Variants in SULF1 observed in about 807,000 individuals in gnomAD.
The protein encoded by SULF1 is extracellular sulfatase Sulf-1.
SULF1 carries 46 observed loss-of-function variants against 110.5 expected under a neutral mutation model. That is an observed-to-expected ratio of 0.42 (90% confidence interval 0.33 to 0.53). SULF1 has a LOEUF of 0.53. SULF1 is among the 20% of genes least tolerant of loss of function. The pLI is 0.12. For missense variants in SULF1, 941 were observed against 1,094.2 expected (o/e 0.86, Z 1.98); for synonymous variants, 371 against 387.1 (o/e 0.96, Z 0.49).
chr8:69,632,419 A>C (rs1052557194), intron 19 of SULF1, among the ~76,000 whole-genome samples: 1 of 152,114 alleles, frequency 6.6e-6, no homozygotes, highest in Admixed American at 6.6e-5. Context: ...CTAAAGTAAA[A>C]ATTTCAAAAA....
At chr8:69,545,464 A>G (rs1706296605) in intron 3 of SULF1, among the ~76,000 whole-genome samples, 1 of 152,170 alleles carries the variant, frequency 6.6e-6, no homozygotes, top group Admixed American at 6.5e-5. Flanking sequence ...AAGTAAGGAA[A>G]ATTCAGAGTC....
At chr8:69,520,940 T>C (rs1454418757) in intron 3 of SULF1, among the ~76,000 whole-genome samples, 1 of 152,192 alleles carries the variant, frequency 6.6e-6, no homozygotes, top group Admixed American at 6.5e-5. Flanking sequence ...CTTCTTATAA[T>C]GTCCCCAGAG....
chr8:69,598,125 G>C (rs1035530325), intron 8 of SULF1, among the ~76,000 whole-genome samples: 3 of 151,402 alleles, frequency 2.0e-5, no homozygotes, highest in Admixed American at 6.6e-5. Flanking sequence ...AAAAAAAAAG[G>C]GGGGGACCAT....
chr8:69,607,489 T>C (rs1005551611), intron 13 of SULF1, among the ~76,000 whole-genome samples: 1 of 152,124 alleles, frequency 6.6e-6, no homozygotes, highest in Non-Finnish European at 1.5e-5. Flanking sequence ...CTCAGCCTCC[T>C]GAGTAGCTAG....
At chr8:69,518,210 A>C (rs1048470028) in intron 3 of SULF1, among the ~76,000 whole-genome samples, 14 of 152,098 alleles carry the variant, frequency 9.2e-5, no homozygotes, top group Admixed American at 2.0e-4. Flanking sequence ...TTAGCCTTTC[A>C]TTTCCAATAT....
At chr8:69,520,056 C>T (rs765584391) in intron 3 of SULF1, among the ~76,000 whole-genome samples, 19 of 150,700 alleles carry the variant, frequency 1.3e-4, no homozygotes, top group Non-Finnish European at 2.5e-4. Context: ...GATATGGGCA[C>T]ATCTATAATT....
At chr8:69,579,965 A>G (rs1431170770) in intron 6 of SULF1, among the ~76,000 whole-genome samples, 1 of 152,226 alleles carries the variant, frequency 6.6e-6, no homozygotes, top group Non-Finnish European at 1.5e-5. Flanking sequence ...ATCCATCTAG[A>G]GAGTAAGTTT....
At chr8:69,636,835 C>T (rs1268559977) in intron 19 of SULF1, among the ~76,000 whole-genome samples, 1 of 152,116 alleles carries the variant, frequency 6.6e-6, no homozygotes, top group Non-Finnish European at 1.5e-5. Flanking sequence ...TGATGCATCT[C>T]ATTGATTTGC....
At position 69,506,279 on chromosome 8, in the gene SULF1, G is replaced by A. The variant is rs776489899; in HGVS notation, c.-134+4311G>A. 4.6e-5 allele frequency among the ~76,000 whole-genome samples: 7 copies of A among 151,504 alleles called. 1 individual carries two copies. Among genetic ancestry groups the A allele is most frequent in the East Asian group, 1.9e-4 (1 of 5,166 alleles). On this transcript the variant is annotated intron_variant, in intron 3 of 22. Transcript: ENST00000402687. ...ACACACAATCAATACCTCCCTTCAC[G>A]TAGCCATTCTGTTTAGTTGCATTTT...
intron 8 of SULF1, among the ~76,000 whole-genome samples, chr8:69,594,660 A>T (rs1333382505): frequency 6.6e-6 from 1 of 152,164 alleles, no homozygotes; most frequent in East Asian, 1.9e-4. Flanking sequence ...ACCTCTTTCC[A>T]CAAATACGTG....
At chr8:69,589,233 C>A in intron 8 of SULF1, 92 bp downstream of exon 8, 1 of 1,243,336 alleles carries the variant, frequency 8.0e-7, no homozygotes, top group Non-Finnish European at 1.1e-6. Context: ...TTCCTTCCAC[C>A]CTGCGTATCC....
At chr8:69,655,006 AT>A (rs1812612956) in intron 22 of SULF1, among the ~76,000 whole-genome samples, 1 of 152,176 alleles carries the variant, frequency 6.6e-6, no homozygotes, top group Non-Finnish European at 1.5e-5. Context: ...TTCCGTTCCT[AT>A]CCTGTAATAA....
At chr8:69,471,736 GT>G (rs1809093498) in intron 1 of SULF1, among the ~76,000 whole-genome samples, 1 of 152,164 alleles carries the variant, frequency 6.6e-6, no homozygotes, top group Non-Finnish European at 1.5e-5. Flanking sequence ...ACAGATAGGA[GT>G]ACTTATCTTG....
chr8:69,491,275 A>G (rs1016058231), upstream of SULF1, among the ~76,000 whole-genome samples: 2 of 152,220 alleles, frequency 1.3e-5, no homozygotes, highest in African/African-American at 4.8e-5. Context: ...CTCATGTTCT[A>G]TATTTCACCC....
intron 13 of SULF1, among the ~76,000 whole-genome samples, chr8:69,612,256 G>A (rs1158169498): frequency 6.6e-6 from 1 of 152,118 alleles, no homozygotes; most frequent in Admixed American, 6.5e-5. Context: ...GTTGGTTGAT[G>A]GGCATTTAGG....
chr8:69,526,118 A>G (rs1369382012), intron 3 of SULF1, among the ~76,000 whole-genome samples: 2 of 152,154 alleles, frequency 1.3e-5, no homozygotes, highest in African/African-American at 2.4e-5. Context: ...CTCATAACCA[A>G]ATACCTGGCT....
intron 3 of SULF1, among the ~76,000 whole-genome samples, chr8:69,554,647 T>C (rs1479944986): frequency 6.7e-6 from 1 of 150,332 alleles, no homozygotes; most frequent in East Asian, 1.9e-4. Context: ...ATCTCTTGAG[T>C]TGTTAGCCTT....
At chr8:69,479,174 T>C (rs1456856978) in intron 1 of SULF1, among the ~76,000 whole-genome samples, 1 of 152,174 alleles carries the variant, frequency 6.6e-6, no homozygotes, top group African/African-American at 2.4e-5. Flanking sequence ...AGATGTGAAA[T>C]TGTATAGCTG....
intron 1 of SULF1, among the ~76,000 whole-genome samples, chr8:69,475,991 TACTC>T (rs978423405): frequency 6.6e-6 from 1 of 152,138 alleles, no homozygotes; most frequent in African/African-American, 2.4e-5. Context: ...CGAGTCAAAA[TACTC>T]AACTACATCT....
Sources: allele counts gnomAD v4.1 joint callset (sites outside exome capture counted in the v4.1 genomes callset), GRCh38; gene constraint gnomAD v4.1.1; transcripts MANE v1.5; gene names NCBI Gene and HGNC (gene_info 2026-07-23, HGNC 2026-07-21).